Variants in SVEP1 observed in about 807,000 individuals in gnomAD.
SVEP1 encodes sushi, von Willebrand factor type A, EGF and pentraxin domain containing 1, also known as sushi, von Willebrand factor type A, EGF and pentraxin domain-containing protein 1.
In SVEP1, 164 loss-of-function variants were observed where a neutral mutation model predicts 367.3. The ratio of observed to expected loss-of-function variants is 0.45; its 90% CI spans 0.39 to 0.51. The LOEUF (loss-of-function observed/expected upper bound fraction) is 0.51, where lower values mean the gene tolerates loss of function less well. Among genes scored for constraint, SVEP1 ranks in the 20% least tolerant of loss-of-function variants. The pLI is 0.00. For synonymous variants in SVEP1, 1,666 were observed against 1,611.6 expected, an observed-to-expected ratio of 1.03 and a Z score of -0.81; for missense variants, 4,117 against 4,425.3, an observed-to-expected ratio of 0.93 and a Z score of 1.98.
chr9:110,425,657 CTTAA>C (rs1415878556), intron 36 of SVEP1, among the ~76,000 whole-genome samples: 4 of 152,148 alleles, frequency 2.6e-5, no homozygotes, highest in Admixed American at 6.6e-5. Context: ...TCATAATTGT[CTTAA>C]TTGATTCTTT....
chr9:110,511,615 G>A (rs1024104676), intron 5 of SVEP1, among the ~76,000 whole-genome samples: 2 of 147,150 alleles, frequency 1.4e-5, no homozygotes, highest in Admixed American at 1.4e-4. Flanking sequence ...TTGAATCTCA[G>A]TGATTCCATT....
intron 8 of SVEP1, among the ~76,000 whole-genome samples, chr9:110,490,515 C>T (rs577590259): frequency 6.6e-6 from 1 of 152,204 alleles, no homozygotes; most frequent in African/African-American, 2.4e-5. Context: ...GGATAACAAC[C>T]AGTCTACTCT....
At chr9:110,561,873 G>C (rs751746136) in intron 1 of SVEP1, among the ~76,000 whole-genome samples, 66 of 152,248 alleles carry the variant, frequency 4.3e-4, no homozygotes, top group Admixed American at 7.8e-4. Context: ...CATAGACTGA[G>C]AGTCTAGAAA....
intron 3 of SVEP1, among the ~76,000 whole-genome samples, chr9:110,529,263 T>C (rs1159040122): frequency 9.2e-6 from 1 of 108,758 alleles, no homozygotes; most frequent in African/African-American, 3.2e-5. Flanking sequence ...CCATGCTGTT[T>C]TGGTTACTAT....
intron 1 of SVEP1, among the ~76,000 whole-genome samples, chr9:110,569,332 T>C (rs1254757589): frequency 3.3e-5 from 5 of 151,898 alleles, no homozygotes; most frequent in Non-Finnish European, 5.9e-5. Context: ...GGTGCATGCC[T>C]GTAATCCCAG....
At chr9:110,480,787 A>T (rs1339269808) in intron 12 of SVEP1, among the ~76,000 whole-genome samples, 1 of 151,086 alleles carries the variant, frequency 6.6e-6, no homozygotes, top group Non-Finnish European at 1.5e-5. Context: ...GCACACCACC[A>T]GGCCCAACTA....
intron 30 of SVEP1, among the ~76,000 whole-genome samples, 187 bp downstream of exon 30, chr9:110,434,149 C>T (rs4978927): frequency 0.81 from 123,628 of 152,146 alleles, 50,480 homozygotes; most frequent in East Asian, 0.99. Context: ...AATGGTCCCT[C>T]TGGATCCTAA....
At chr9:110,563,312 A>G (rs1588110311) in intron 1 of SVEP1, among the ~76,000 whole-genome samples, 1 of 152,314 alleles carries the variant, frequency 6.6e-6, no homozygotes, top group Non-Finnish European at 1.5e-5. Context: ...ACATATGCCC[A>G]CACATACATA....
chr9:110,565,071 C>T (rs1201738376), intron 1 of SVEP1, among the ~76,000 whole-genome samples: 1 of 152,022 alleles, frequency 6.6e-6, no homozygotes, highest in African/African-American at 2.4e-5. Flanking sequence ...ACTGCTATAG[C>T]AAGGTTTTGG....
At chr9:110,462,534 T>C (rs925892393) in intron 18 of SVEP1, among the ~76,000 whole-genome samples, 8 of 150,052 alleles carry the variant, frequency 5.3e-5, no homozygotes, top group Non-Finnish European at 8.9e-5. Context: ...AGTGGCACTA[T>C]CTAGTATGTA....
intron 3 of SVEP1, among the ~76,000 whole-genome samples, chr9:110,523,031 G>A (rs1206422171): frequency 1.3e-5 from 2 of 151,996 alleles, no homozygotes; most frequent in South Asian, 4.1e-4. Flanking sequence ...CCACTTTTCT[G>A]CCCCAAGATC....
At chr9:110,518,859 C>A (rs981410991) in intron 3 of SVEP1, among the ~76,000 whole-genome samples, 2 of 152,168 alleles carry the variant, frequency 1.3e-5, no homozygotes, top group African/African-American at 2.4e-5. Context: ...GCGACCTGAA[C>A]AATTTTCAAA....
At position 110,366,517 on chromosome 9, in the gene SVEP1, G is replaced by A. The variant is rs758652163; in HGVS notation, c.*22C>T. ...AGGAGAGATGATCCTGCTTTTGGGAGAGCCAGATGGTCGTGCAGTGGTTAA... is the reference window on the plus strand; with the variant it reads ...AGGAGAGATGATCCTGCTTTTGGGAAAGCCAGATGGTCGTGCAGTGGTTAA... On this transcript the variant is annotated 3_prime_UTR_variant, in exon 48 of 48. Coordinates refer to ENST00000374469, the MANE Select transcript of SVEP1 (RefSeq NM_153366.4). The A allele has an allele frequency of 1.9e-5, 29 of 1,546,600 alleles. No individual in the cohort carries two copies. Among genetic ancestry groups the A allele is most frequent in the Non-Finnish European group, 2.5e-5 (29 of 1,149,254 alleles).
intron 27 of SVEP1, among the ~76,000 whole-genome samples, chr9:110,442,320 T>C (rs942555011): frequency 1.3e-5 from 2 of 152,226 alleles, no homozygotes; most frequent in African/African-American, 4.8e-5. Flanking sequence ...TTCCAGTGCC[T>C]TGCATAGGTG....
rs540167311 is a variant in SVEP1 at position 110,423,496 on chromosome 9, A to T, written c.5975+4095T>A. On this transcript the variant is annotated intron_variant, in intron 36 of 47. Transcript: ENST00000374469. ...GGAAGTAAAAAGGTACATAGTGATA[A>T]GACATTTAAGATGGGAGTGCTGACA... 1.4e-4 allele frequency among the ~76,000 whole-genome samples: 22 copies of T among 152,336 alleles called. No individual in the cohort carries two copies. In the South Asian group the frequency reaches 4.1e-3, roughly 29 times the overall value.
chr9:110,392,676 T>C (rs1827683406), intron 40 of SVEP1, among the ~76,000 whole-genome samples: 1 of 152,236 alleles, frequency 6.6e-6, no homozygotes, highest in East Asian at 1.9e-4. Flanking sequence ...ATTCTTCCTC[T>C]TGAGTTGTCT....
intron 5 of SVEP1, among the ~76,000 whole-genome samples, chr9:110,504,557 T>A (rs2118758150): frequency 6.6e-6 from 1 of 152,368 alleles, no homozygotes; most frequent in South Asian, 2.1e-4. Context: ...GGCTCTCTGA[T>A]GACAGTGGAG....
At chr9:110,517,364 G>T (rs1417801748) in intron 3 of SVEP1, among the ~76,000 whole-genome samples, 1 of 152,038 alleles carries the variant, frequency 6.6e-6, no homozygotes, top group South Asian at 2.1e-4. Flanking sequence ...TTGGGAGGTC[G>T]AGGTGGGTGG....
chr9:110,443,128 A>G (rs1564144158), intron 27 of SVEP1: 1 of 154,632 alleles, frequency 6.5e-6, no homozygotes, highest in Non-Finnish European at 1.4e-5. Context: ...TATTTATTAA[A>G]AAGTATTTTT....
Sources: gnomAD v4.1 joint callset for allele counts (sites outside exome capture counted in the v4.1 genomes callset) on GRCh38, gnomAD v4.1.1 for gene constraint, MANE v1.5 for transcripts, NCBI Gene and HGNC (gene_info 2026-07-23, HGNC 2026-07-21) for gene names.